CNTNAP2: variants seen among roughly 807,000 people sequenced by gnomAD.
CNTNAP2 encodes contactin-associated protein-like 2.
CNTNAP2 carries 98 observed loss-of-function variants against 155.2 expected under a neutral mutation model. That is an observed-to-expected ratio of 0.63 (90% CI 0.54 to 0.75). The LOEUF (loss-of-function observed/expected upper bound fraction) is 0.75, where lower values mean the gene tolerates loss of function less well. CNTNAP2 is among the 30% of genes least tolerant of loss of function. The pLI, the probability that CNTNAP2 is intolerant of heterozygous loss-of-function variation, is 0.00. For synonymous variants in CNTNAP2, 651 were observed against 631.2 expected, an observed-to-expected ratio of 1.03 and a Z score of -0.47; for missense variants, 1,727 against 1,688.1, an observed-to-expected ratio of 1.02 and a Z score of -0.40.
chr7:147,215,420 C>T (rs149819559), intron 8 of CNTNAP2, among the ~76,000 whole-genome samples: 1 of 152,298 alleles, frequency 6.6e-6, no homozygotes, highest in Non-Finnish European at 1.5e-5. Context: ...TTAGCCTTGT[C>T]CATAGTGTCA....
chr7:147,794,092 A>G (rs1321091645), intron 13 of CNTNAP2, among the ~76,000 whole-genome samples: 1 of 151,978 alleles, frequency 6.6e-6, no homozygotes, highest in Non-Finnish European at 1.5e-5. Flanking sequence ...AGATCCTGTT[A>G]TCTTTAGATA....
rs776699175 is a variant in CNTNAP2 at position 148,409,487 on chromosome 7, A to G, written c.3796+16A>G. 1.3e-5 allele frequency: 21 copies of G among 1,609,236 alleles called. No individual in the cohort carries two copies. The Admixed American group carries it at 2.5e-4, about 19-fold the overall frequency. On this transcript the variant is annotated intron_variant, in intron 23 of 23. Transcript: ENST00000361727. ...ATCATTGGAGGTAGGTGATGTCTAG[A>G]GGAGGCTTATATGGGGCTACTCAAC...
At chr7:147,160,841 A>G (rs1802011235) in intron 8 of CNTNAP2, among the ~76,000 whole-genome samples, 1 of 152,170 alleles carries the variant, frequency 6.6e-6, no homozygotes, top group African/African-American at 2.4e-5. Context: ...ATAATTTCAT[A>G]CTCAGAAGCC....
chr7:146,602,910 A>C (rs1159650781), intron 1 of CNTNAP2, among the ~76,000 whole-genome samples: 1 of 151,796 alleles, frequency 6.6e-6, no homozygotes, highest in Non-Finnish European at 1.5e-5. Context: ...TTAGGAATCC[A>C]TGTTCCATCT....
intron 1 of CNTNAP2, among the ~76,000 whole-genome samples, chr7:146,206,604 T>C (rs1798950194): frequency 6.6e-6 from 1 of 152,000 alleles, no homozygotes; most frequent in South Asian, 2.1e-4. Context: ...AAGAATATAA[T>C]GCACCATTTC....
rs79608481 is a variant in CNTNAP2 at position 148,184,864 on chromosome 7, G to A, written c.3010+12386G>A. Among the ~76,000 whole-genome samples the A allele has an allele frequency of 0.011, 1,661 of 152,250 alleles. 75 individuals are homozygous for A. In the East Asian group the frequency reaches 0.14, roughly 13 times the overall value. On this transcript the variant is annotated intron_variant, in intron 18 of 23. Transcript: ENST00000361727. Reference sequence around the variant, plus strand: ...ATTATATAAAATTCATTATTCACAAGGCTGTGAGGATCAAATGAGCTGATG... The same window carrying A: ...ATTATATAAAATTCATTATTCACAAAGCTGTGAGGATCAAATGAGCTGATG...
Position 146,774,367 on chromosome 7 carries a change from T to A in CNTNAP2, c.194T>A (p.Ile65Lys), listed in dbSNP as rs1245424156. The A allele has an allele frequency of 3.7e-6, 6 of 1,613,682 alleles. No homozygotes were observed. Among genetic ancestry groups the A allele is most frequent in the African/African-American group, 1.3e-5 (1 of 74,894 alleles). ...SGSYSPGYAK[I>K]NKRGGAGGWS... ...AGCTATTCTCCCGGCTATGCCAAGA[T>A]AAACAAGAGAGGAGGTAAGCCAAAT... Residue 65 changes from isoleucine (I) to lysine (K), a missense_variant, in exon 2 of 24, where the codon ATA (isoleucine) becomes AAA (lysine). Coordinates refer to ENST00000361727, the MANE Select transcript of CNTNAP2 (RefSeq NM_014141.6).
chr7:147,771,684 T>C (rs1434041457), intron 13 of CNTNAP2, among the ~76,000 whole-genome samples: 4 of 152,184 alleles, frequency 2.6e-5, no homozygotes, highest in Non-Finnish European at 5.9e-5. Context: ...CTTTGTGTCT[T>C]CATATGTGTT....
At chr7:146,696,650 C>T (rs543860700) in intron 1 of CNTNAP2, among the ~76,000 whole-genome samples, 21 of 152,192 alleles carry the variant, frequency 1.4e-4, no homozygotes, top group African/African-American at 5.1e-4. Context: ...CTAATACATG[C>T]ATTCAGTGCT....
intron 1 of CNTNAP2, among the ~76,000 whole-genome samples, chr7:146,545,894 G>A (rs1028607716): frequency 6.6e-6 from 1 of 151,836 alleles, no homozygotes; most frequent in Non-Finnish European, 1.5e-5. Flanking sequence ...GGTTATTGCA[G>A]CACTATTTAC....
chr7:147,641,216 TTAA>T (rs1419515830), intron 13 of CNTNAP2, among the ~76,000 whole-genome samples: 1 of 151,556 alleles, frequency 6.6e-6, no homozygotes, highest in Non-Finnish European at 1.5e-5. Flanking sequence ...AAATAATTTC[TTAA>T]TAATTTCTTA....
chr7:146,592,237 G>A (rs1057106944), intron 1 of CNTNAP2, among the ~76,000 whole-genome samples: 20 of 152,184 alleles, frequency 1.3e-4, no homozygotes, highest in African/African-American at 4.8e-4. Context: ...GATCTCTGTG[G>A]CATATGGTCT....
intron 9 of CNTNAP2, among the ~76,000 whole-genome samples, chr7:147,362,755 C>T (rs936850421): frequency 2.0e-5 from 3 of 152,056 alleles, no homozygotes; most frequent in African/African-American, 4.8e-5. Context: ...CTAAAACTGC[C>T]TGTCCTAGAT....
At chr7:147,188,080 A>G (rs7790730) in intron 8 of CNTNAP2, among the ~76,000 whole-genome samples, 80,948 of 152,022 alleles carry the variant, frequency 0.53, 22,143 homozygotes, top group South Asian at 0.7. Flanking sequence ...AATAAATAAA[A>G]TGAGAGAAAA....
intron 3 of CNTNAP2, among the ~76,000 whole-genome samples, chr7:147,014,292 CAT>C (rs1798680617): frequency 6.6e-6 from 1 of 152,118 alleles, no homozygotes; most frequent in East Asian, 1.9e-4. Flanking sequence ...CTAATTAAAA[CAT>C]ATATTGTTAA....
intron 9 of CNTNAP2, among the ~76,000 whole-genome samples, chr7:147,365,936 T>C (rs1199975777): frequency 6.6e-6 from 1 of 152,204 alleles, no homozygotes; most frequent in Non-Finnish European, 1.5e-5. Context: ...TTCTGCTGGC[T>C]TTCATTCTCT....
intron 11 of CNTNAP2, among the ~76,000 whole-genome samples, chr7:147,487,272 G>T (rs1798526199): frequency 6.6e-6 from 1 of 152,074 alleles, no homozygotes; most frequent in Admixed American, 6.6e-5. Context: ...TGTCAAGAAG[G>T]TCAAAATTGA....
intron 1 of CNTNAP2, among the ~76,000 whole-genome samples, chr7:146,334,346 G>A (rs866810311): frequency 3.3e-5 from 5 of 151,748 alleles, no homozygotes. Flanking sequence ...CAGGAGAATG[G>A]CGTGAACCCG....
At chr7:148,249,675 C>G (rs1796332744) in intron 20 of CNTNAP2, among the ~76,000 whole-genome samples, 1 of 152,190 alleles carries the variant, frequency 6.6e-6, no homozygotes, top group Non-Finnish European at 1.5e-5. Flanking sequence ...TATAGCCTTT[C>G]CAATTTCAGC....
Sources: gnomAD v4.1 joint callset for allele counts (sites outside exome capture counted in the v4.1 genomes callset) on GRCh38, gnomAD v4.1.1 for gene constraint, MANE v1.5 for transcripts, NCBI Gene and HGNC (gene_info 2026-07-23, HGNC 2026-07-21) for gene names.